PDE6C: variants seen among roughly 807,000 people sequenced by gnomAD.
The protein encoded by PDE6C is phosphodiesterase 6C, also known as cone cGMP-specific 3',5'-cyclic phosphodiesterase subunit alpha'.
A neutral mutation model predicts 113.1 loss-of-function variants in PDE6C; 75 were observed. That is an observed-to-expected ratio of 0.66 (90% CI 0.55 to 0.80). The LOEUF is 0.80. Among genes scored for constraint, PDE6C ranks in the 30% least tolerant of loss-of-function variants. The probability of loss-of-function intolerance (pLI) is 0.00; values close to 1 mark genes in which losing one functional copy is unlikely to be tolerated. For missense variants in PDE6C, 912 were observed against 1,038.6 expected, an observed-to-expected ratio of 0.88 and a Z score of 1.67; for synonymous variants, 375 against 363.7, an observed-to-expected ratio of 1.03 and a Z score of -0.35.
chr10:93,622,017 C>A lies in PDE6C; in HGVS notation c.809C>A (p.Ser270Ter). 6.2e-7 allele frequency: 1 copy of A among 1,613,784 alleles called. No individual in the cohort carries two copies. The highest frequency in any genetic ancestry group is 8.5e-7 in the Non-Finnish European group (1 of 1,179,716). Residue 270 changes from serine to a stop codon, truncating the protein, a stop_gained, in exon 4 of 22, where the codon TCA (serine) becomes TAA (stop). Coordinates refer to ENST00000371447, the MANE Select transcript of PDE6C (RefSeq NM_006204.4). LOFTEE classifies it high-confidence loss of function. The stretch of plus-strand genomic sequence containing the variant: ...CACAAAGCGCTCTACACGGTTAGAT[C>A]ATATCTGAACTGTGAACGATACTCC... ...QFHKALYTVRSYLNCERYSIG... is the reference protein window; with the variant it reads ...QFHKALYTVR
At chr10:93,633,792 G>A (rs1012027294) in intron 8 of PDE6C, among the ~76,000 whole-genome samples, 6 of 152,196 alleles carry the variant, frequency 3.9e-5, no homozygotes, top group African/African-American at 1.4e-4. Flanking sequence ...AGCTAAACAG[G>A]TGTTAGAAGA....
intron 15 of PDE6C, among the ~76,000 whole-genome samples, chr10:93,651,583 T>C (rs11814382): frequency 0.061 from 9,254 of 152,160 alleles, 927 homozygotes; most frequent in African/African-American, 0.21. Flanking sequence ...GGTTCCTCCC[T>C]CAACACCTGG....
In PDE6C at chr10:93,640,826, T is replaced by C. The variant is rs2058556019; in HGVS notation, c.1738-94T>C. 3 of 829,996 alleles carry C rather than the reference T, an allele frequency of 3.6e-6. No individual in the cohort carries two copies. The South Asian group carries it at 4.3e-5, about 12-fold the overall frequency. The allele number at this position is 829,996 out of a possible 1,614,324, so 51.4% of individuals were successfully genotyped here. A position where few individuals can be genotyped will look rare whatever the true frequency, so the allele number is the denominator to read the frequency against. Reference sequence around the variant, plus strand: ...ATAAAGTGAACTTGCTCCAGAAACCTAGTGGGCCTATTCTCTATTGCAGGC... The same window carrying C: ...ATAAAGTGAACTTGCTCCAGAAACCCAGTGGGCCTATTCTCTATTGCAGGC... On this transcript the variant is annotated intron_variant, in intron 13 of 21. Coordinates refer to ENST00000371447, the MANE Select transcript of PDE6C (RefSeq NM_006204.4).
chr10:93,655,639 CA>C (rs1051137800), intron 15 of PDE6C, 120 bp from the exon 16 acceptor site: 794 of 320,070 alleles, frequency 2.5e-3, no homozygotes, highest in East Asian at 4.2e-3. Context: ...GGAAGGAAAA[CA>C]AAAAAAAAAC....
chr10:93,613,655 C>A (rs903608420), intron 1 of PDE6C, among the ~76,000 whole-genome samples: 4 of 152,286 alleles, frequency 2.6e-5, no homozygotes, highest in Non-Finnish European at 5.9e-5. Flanking sequence ...CACAGTCCTT[C>A]GAAAACATTC....
At chr10:93,620,482 G>T in intron 1 of PDE6C, 150 bp from the exon 2 acceptor site, 1 of 768,602 alleles carries the variant, frequency 1.3e-6, no homozygotes, top group Non-Finnish European at 2.3e-6. Context: ...ATGGCAGGTG[G>T]AGTGGGATTG....
chr10:93,650,173 A>C (rs1339575332), intron 15 of PDE6C, among the ~76,000 whole-genome samples: 1 of 152,204 alleles, frequency 6.6e-6, no homozygotes, highest in Non-Finnish European at 1.5e-5. Context: ...TCATGCAATC[A>C]ATCACACTCT....
chr10:93,663,181 T>C lies in PDE6C; in HGVS notation c.2518+3T>C, dbSNP rs772326565. On this transcript the variant is annotated splice_donor_region_variant and intron_variant, in intron 21 of 21. Transcript: ENST00000371447. ...GCAAGAAGGAGGAGCCGAAAAAGGT[T>C]AGATGGGCTCTGTTTTTGCTCCCTG... The C allele has an allele frequency of 1.2e-6, 2 of 1,613,000 alleles. No homozygotes were observed. The highest frequency in any genetic ancestry group is 1.1e-5 in the South Asian group (1 of 90,938).
At chr10:93,635,095 C>T (rs2058521552) in intron 9 of PDE6C, among the ~76,000 whole-genome samples, 188 bp downstream of exon 9, 1 of 152,106 alleles carries the variant, frequency 6.6e-6, no homozygotes, top group Non-Finnish European at 1.5e-5. Flanking sequence ...ACATTTTCTA[C>T]CAAAGTATAA....
rs922188832 is a variant in PDE6C, at chr10:93,612,609, C to A, written c.-117C>A. 7 of 1,389,706 alleles carry A rather than the reference C, an allele frequency of 5.0e-6. No individual in the cohort carries two copies. The highest frequency in any genetic ancestry group is 7.1e-6 in the Non-Finnish European group (7 of 987,524). 86.1% of individuals were successfully genotyped at this position (1,389,706 alleles called of 1,614,324 possible). On this transcript the variant is annotated 5_prime_UTR_variant, in exon 1 of 22. Coordinates refer to ENST00000371447, the MANE Select transcript of PDE6C (RefSeq NM_006204.4). The stretch of plus-strand genomic sequence containing the variant: ...TGACCTTTGGAAGTCCTATGAGGGA[C>A]CATTTACGGTTTCCTCAGTAATTTC...
chr10:93,658,169 C>CAAAAAAAAAAAAAAAAAAAAAAAAA (rs71031527), intron 16 of PDE6C, among the ~76,000 whole-genome samples: 1 of 59,878 alleles, frequency 1.7e-5, no homozygotes, highest in Admixed American at 2.4e-4. Flanking sequence ...GATTCTGTCT[C>CAAAAAAAAAAAAAAAAAAAAAAAAA]AAAAAAAAAA....
chr10:93,658,289 A>G (rs746482640), intron 16 of PDE6C, among the ~76,000 whole-genome samples: 11 of 152,028 alleles, frequency 7.2e-5, no homozygotes, highest in Non-Finnish European at 1.2e-4. Context: ...TTATTTTGCT[A>G]ATATAATGAG....
chr10:93,638,700 C>G (rs2058545360), intron 11 of PDE6C, among the ~76,000 whole-genome samples: 1 of 152,144 alleles, frequency 6.6e-6, no homozygotes. Flanking sequence ...CAGAGGAGTT[C>G]TCCAAAATTA....
At chr10:93,660,863 T>C (rs2058662881) in intron 18 of PDE6C, among the ~76,000 whole-genome samples, 1 of 152,074 alleles carries the variant, frequency 6.6e-6, no homozygotes. Flanking sequence ...TCCTAATAGA[T>C]GCTCACATCA....
intron 1 of PDE6C, among the ~76,000 whole-genome samples, chr10:93,614,738 C>T (rs2058411964): frequency 6.6e-6 from 1 of 152,086 alleles, no homozygotes; most frequent in Non-Finnish European, 1.5e-5. Context: ...GAGCATGGAG[C>T]TGCTTGGAGG....
rs1172690855 is a variant in PDE6C, at chr10:93,629,260, C to T, written c.1074C>T (p.Ile358=). Residue 358 remains isoleucine, a splice_region_variant and synonymous_variant, in exon 8 of 22, where the codon ATC becomes ATT. Coordinates refer to ENST00000371447, the MANE Select transcript of PDE6C (RefSeq NM_006204.4). ...LPTYVAENGF[I]CNMMNAPADE... Reference sequence around the variant, plus strand: ...ATTTGTCTCCTCTTGCCTTCCAGATCTGTAACATGATGAATGCCCCTGCGG... The same window carrying T: ...ATTTGTCTCCTCTTGCCTTCCAGATTTGTAACATGATGAATGCCCCTGCGG... 8.7e-6 allele frequency: 14 copies of T among 1,610,320 alleles called. No homozygotes were observed. Among genetic ancestry groups the T allele is most frequent in the Non-Finnish European group, 1.1e-5 (13 of 1,176,476 alleles).
At chr10:93,619,534 C>A (rs975712689) in intron 1 of PDE6C, among the ~76,000 whole-genome samples, 1 of 152,182 alleles carries the variant, frequency 6.6e-6, no homozygotes, top group African/African-American at 2.4e-5. Flanking sequence ...TCAAGCGACT[C>A]CCCTGCCTCA....
At chr10:93,632,203 C>T (rs2058505070) in intron 8 of PDE6C, among the ~76,000 whole-genome samples, 1 of 152,218 alleles carries the variant, frequency 6.6e-6, no homozygotes, top group Non-Finnish European at 1.5e-5. Flanking sequence ...TACATTGGGT[C>T]CACCTGGAAC....
chr10:93,615,464 C>A (rs1821889671), intron 1 of PDE6C, among the ~76,000 whole-genome samples: 2 of 152,210 alleles, frequency 1.3e-5, no homozygotes, highest in African/African-American at 2.4e-5. Context: ...TCACTGCAAC[C>A]TCTGCCTCCC....
Sources: gnomAD v4.1 joint callset for allele counts (sites outside exome capture counted in the v4.1 genomes callset) on GRCh38, gnomAD v4.1.1 for gene constraint, MANE v1.5 for transcripts, NCBI Gene and HGNC (gene_info 2026-07-23, HGNC 2026-07-21) for gene names.